Variants in RGS6 observed in about 807,000 individuals in gnomAD.
RGS6 encodes regulator of G protein signaling 6, also known as regulator of G-protein signaling 6.
In RGS6, 30 loss-of-function variants were observed where a neutral mutation model predicts 78.5. The ratio of observed to expected loss-of-function variants is 0.38; its 90% CI spans 0.29 to 0.52. The LOEUF (loss-of-function observed/expected upper bound fraction) is 0.52, where lower values mean the gene tolerates loss of function less well. RGS6 is among the 20% of genes least tolerant of loss of function. The pLI is 0.85. For synonymous variants in RGS6, 206 were observed against 206.0 expected, an observed-to-expected ratio of 1.00 and a Z score of 0.00; for missense variants, 495 against 609.7, an observed-to-expected ratio of 0.81 and a Z score of 1.98.
chr14:72,095,968 C>T (rs1049021872), intron 2 of RGS6, among the ~76,000 whole-genome samples: 1 of 152,068 alleles, frequency 6.6e-6, no homozygotes, highest in Admixed American at 6.5e-5. Flanking sequence ...AAGAAGGGAA[C>T]CTTAAAAATA....
intron 3 of RGS6, among the ~76,000 whole-genome samples, chr14:72,384,958 G>T (rs927887465): frequency 6.6e-5 from 10 of 152,074 alleles, no homozygotes; most frequent in Non-Finnish European, 1.5e-4. Context: ...CACCATCTTG[G>T]CCAGGCTGGT....
chr14:72,529,319 C>T (rs1270863481), intron 15 of RGS6, among the ~76,000 whole-genome samples: 2 of 152,106 alleles, frequency 1.3e-5, no homozygotes, highest in Admixed American at 6.5e-5. Context: ...CTGCTGTGGT[C>T]GGTTGTTCCC....
intron 2 of RGS6, among the ~76,000 whole-genome samples, chr14:72,061,807 A>G (rs2093910936): frequency 6.6e-6 from 1 of 152,224 alleles, no homozygotes; most frequent in African/African-American, 2.4e-5. Flanking sequence ...TTTATTTTTT[A>G]GTATGTGGGG....
chr14:71,966,122 ACT>A (rs368355289), intron 2 of RGS6, among the ~76,000 whole-genome samples: 181 of 152,262 alleles, frequency 1.2e-3, no homozygotes, highest in African/African-American at 3.9e-3. Context: ...ATTTAAACTA[ACT>A]CTCTTGTATG....
At chr14:72,377,547 A>G (rs2085062487) in intron 3 of RGS6, among the ~76,000 whole-genome samples, 1 of 152,216 alleles carries the variant, frequency 6.6e-6, no homozygotes, top group Non-Finnish European at 1.5e-5. Context: ...ACCAAATAAT[A>G]TAAACCTAAC....
chr14:72,604,787 G>C, the RGS6 span, among the ~76,000 whole-genome samples: 1 of 152,338 alleles, frequency 6.6e-6, no homozygotes, highest in African/African-American at 2.4e-5. Flanking sequence ...CCTGTGTTTA[G>C]TCCCTGGCGG....
intron 2 of RGS6, among the ~76,000 whole-genome samples, chr14:72,136,251 T>C (rs1318996271): frequency 6.6e-6 from 1 of 152,038 alleles, no homozygotes; most frequent in Non-Finnish European, 1.5e-5. Context: ...TCTATATTGA[T>C]AACTAGAAAG....
chr14:72,055,949 T>G (rs1314183933), intron 2 of RGS6, among the ~76,000 whole-genome samples: 1 of 152,240 alleles, frequency 6.6e-6, no homozygotes, highest in Non-Finnish European at 1.5e-5. Context: ...GAAATTGTGC[T>G]TGACATTTAT....
At chr14:72,199,332 T>A (rs913057885) in intron 2 of RGS6, among the ~76,000 whole-genome samples, 1 of 152,248 alleles carries the variant, frequency 6.6e-6, no homozygotes, top group Admixed American at 6.5e-5. Flanking sequence ...TACACTTATG[T>A]TGGTGTCAGA....
chr14:72,124,801 A>C (rs1456811178), intron 2 of RGS6, among the ~76,000 whole-genome samples: 1 of 152,196 alleles, frequency 6.6e-6, no homozygotes, highest in African/African-American at 2.4e-5. Context: ...GGAACAGTTC[A>C]GTGACAACAG....
intron 2 of RGS6, among the ~76,000 whole-genome samples, chr14:72,262,080 AC>A (rs1486285726): frequency 1.3e-5 from 2 of 152,032 alleles, no homozygotes; most frequent in Non-Finnish European, 2.9e-5. Context: ...GTACCTTCTA[AC>A]AGTTCCAGTT....
chr14:72,366,570 A>T (rs1301468518), intron 3 of RGS6, among the ~76,000 whole-genome samples: 1 of 152,206 alleles, frequency 6.6e-6, no homozygotes. Flanking sequence ...GGGAAGTCAC[A>T]TACAAACCAT....
intron 8 of RGS6, among the ~76,000 whole-genome samples, chr14:72,471,872 A>G (rs2096085745): frequency 6.6e-6 from 1 of 152,246 alleles, no homozygotes. Context: ...GCAAAGAGGA[A>G]CGCTAATTTG....
At chr14:72,468,389 AG>A (rs2153277078) in intron 7 of RGS6, among the ~76,000 whole-genome samples, 1 of 152,088 alleles carries the variant, frequency 6.6e-6, no homozygotes, top group African/African-American at 2.4e-5. Context: ...AAAAAAAAAA[AG>A]AATATGGCAT....
At chr14:72,052,074 G>A (rs957615257) in intron 2 of RGS6, among the ~76,000 whole-genome samples, 7 of 152,144 alleles carry the variant, frequency 4.6e-5, no homozygotes, top group East Asian at 1.9e-4. Context: ...GCAGGGGACC[G>A]AGAAAGATAG....
intron 2 of RGS6, among the ~76,000 whole-genome samples, chr14:72,280,699 C>T (rs2061426231): frequency 6.6e-6 from 1 of 152,188 alleles, no homozygotes; most frequent in Non-Finnish European, 1.5e-5. Context: ...TGTCTAATAT[C>T]ATAGAAATCA....
intron 2 of RGS6, among the ~76,000 whole-genome samples, chr14:72,085,858 A>G (rs2095017461): frequency 6.7e-6 from 1 of 149,604 alleles, no homozygotes; most frequent in African/African-American, 2.4e-5. Flanking sequence ...CATCTCAAAA[A>G]AAAAAAAAAA....
the RGS6 span, chr14:72,612,765 G>C: frequency 2.7e-6 from 1 of 367,362 alleles, no homozygotes. Flanking sequence ...TATCTTTCAT[G>C]AAAAGAAGCA....
chr14:72,168,002 G>C (rs1388360408), intron 2 of RGS6, among the ~76,000 whole-genome samples: 1 of 152,164 alleles, frequency 6.6e-6, no homozygotes, highest in Non-Finnish European at 1.5e-5. Context: ...GGGCTGAGCA[G>C]TAATTGCGGA....
Sources: allele counts gnomAD v4.1 joint callset (sites outside exome capture counted in the v4.1 genomes callset), GRCh38; gene constraint gnomAD v4.1.1; transcripts MANE v1.5; gene names NCBI Gene and HGNC (gene_info 2026-07-23, HGNC 2026-07-21).